Variants in LGR6 observed in about 807,000 individuals in gnomAD.
The protein encoded by LGR6 is leucine-rich repeat-containing G protein-coupled receptor 6.
A neutral mutation model predicts 69.4 loss-of-function variants in LGR6; 45 were observed. The observed-to-expected ratio is 0.65, with a 90% CI of 0.51 to 0.83. The LOEUF is 0.83. Among genes scored for constraint, LGR6 ranks in the 40% least tolerant of loss-of-function variants. The pLI, the probability that LGR6 is intolerant of heterozygous loss-of-function variation, is 0.00. For synonymous variants in LGR6, 538 were observed against 555.0 expected (o/e 0.97, Z 0.43); for missense variants, 1,108 against 1,246.7 (o/e 0.89, Z 1.68).
chr1:202,228,771 G>A (rs760551847), intron 3 of LGR6, among the ~76,000 whole-genome samples: 5 of 152,216 alleles, frequency 3.3e-5, no homozygotes, highest in Non-Finnish European at 7.3e-5. Flanking sequence ...AAGGTAGATA[G>A]GAGAGGTTCC....
At chr1:202,202,208 C>T (rs914565433) in intron 1 of LGR6, among the ~76,000 whole-genome samples, 2 of 152,184 alleles carry the variant, frequency 1.3e-5, no homozygotes, top group African/African-American at 4.8e-5. Flanking sequence ...ACTTCATCTC[C>T]ACGACCTGTT....
chr1:202,226,303 A>G (rs954060862), intron 2 of LGR6, among the ~76,000 whole-genome samples: 3 of 152,130 alleles, frequency 2.0e-5, no homozygotes, highest in African/African-American at 7.2e-5. Context: ...CACCACATAG[A>G]TCCTTGCGGC....
intron 5 of LGR6, among the ~76,000 whole-genome samples, chr1:202,278,741 G>T (rs542532383): frequency 5.3e-5 from 8 of 152,136 alleles, no homozygotes; most frequent in African/African-American, 1.4e-4. Flanking sequence ...AAAATCAAGG[G>T]TTGTACAGGG....
intron 1 of LGR6, among the ~76,000 whole-genome samples, chr1:202,210,031 T>C (rs1315546811): frequency 6.6e-6 from 1 of 152,078 alleles, no homozygotes; most frequent in Non-Finnish European, 1.5e-5. Flanking sequence ...AAGAAATGGG[T>C]TCAGACCAGA....
At chr1:202,258,139 A>G (rs370256847) in intron 4 of LGR6, among the ~76,000 whole-genome samples, 2 of 152,112 alleles carry the variant, frequency 1.3e-5, no homozygotes, top group East Asian at 3.9e-4. Flanking sequence ...CAGAAATCCA[A>G]TTGATTTATA....
chr1:202,212,868 C>G (rs943202598), intron 1 of LGR6, among the ~76,000 whole-genome samples: 47 of 152,162 alleles, frequency 3.1e-4, no homozygotes, highest in African/African-American at 1.1e-3. Flanking sequence ...CTCATTTCCC[C>G]CCTTTGCACA....
At chr1:202,207,931 C>T (rs762754659) in intron 1 of LGR6, among the ~76,000 whole-genome samples, 14 of 152,138 alleles carry the variant, frequency 9.2e-5, no homozygotes, top group Non-Finnish European at 1.0e-4. Context: ...ACTTTCACTG[C>T]AAAAAACAGA....
intron 3 of LGR6, among the ~76,000 whole-genome samples, chr1:202,233,627 T>C (rs1661280659): frequency 6.6e-6 from 1 of 152,156 alleles, no homozygotes; most frequent in African/African-American, 2.4e-5. Context: ...GGCAGCCTCT[T>C]CCTTTGAAAG....
chr1:202,308,156 G>A (rs1653411202), intron 14 of LGR6, among the ~76,000 whole-genome samples: 1 of 152,196 alleles, frequency 6.6e-6, no homozygotes, highest in Non-Finnish European at 1.5e-5. Flanking sequence ...AGGCCTCCAA[G>A]GCCCAGGAGG....
At chr1:202,219,970 C>T (rs559919140) in intron 1 of LGR6, among the ~76,000 whole-genome samples, 1 of 151,956 alleles carries the variant, frequency 6.6e-6, no homozygotes, top group Non-Finnish European at 1.5e-5. Flanking sequence ...CTTCATCCTC[C>T]CAGGTTCAAG....
chr1:202,318,177 C>CGA lies in LGR6; in HGVS notation c.1874_1875insGA (p.Phe626ThrfsTer16). On this transcript the variant is annotated frameshift_variant, in exon 18 of 18. Transcript: ENST00000367278. LOFTEE classifies it low-confidence loss of function (END_TRUNC). Reference sequence around the variant, plus strand: ...CTTCTAGCCTCAGTCGATGCCCTGACCTTTGGTCAGTTCTCTGAGTACGGA... The same window carrying CGA: ...CTTCTAGCCTCAGTCGATGCCCTGACGACTTTGGTCAGTTCTCTGAGTACGGA... The CGA allele has an allele frequency of 6.2e-7, 1 of 1,613,726 alleles. No homozygotes were observed. Among genetic ancestry groups the CGA allele is most frequent in the Non-Finnish European group, 8.5e-7 (1 of 1,180,006 alleles).
chr1:202,315,300 C>T (rs1654059898), intron 17 of LGR6, among the ~76,000 whole-genome samples: 1 of 152,186 alleles, frequency 6.6e-6, no homozygotes, highest in South Asian at 2.1e-4. Context: ...CTCCATCCCT[C>T]CCTGCTCCAT....
intron 2 of LGR6, among the ~76,000 whole-genome samples, chr1:202,226,448 T>C (rs2147956184): frequency 6.6e-6 from 1 of 152,208 alleles, no homozygotes. Flanking sequence ...CCCGAAAGCA[T>C]TCACAATTTC....
At chr1:202,287,537 A>G (rs1666478984) in intron 6 of LGR6, among the ~76,000 whole-genome samples, 1 of 152,116 alleles carries the variant, frequency 6.6e-6, no homozygotes, top group Non-Finnish European at 1.5e-5. Flanking sequence ...TAAATATTCA[A>G]AGGCCTTCTT....
At chr1:202,272,808 C>G (rs1448568970) in intron 4 of LGR6, among the ~76,000 whole-genome samples, 1 of 152,254 alleles carries the variant, frequency 6.6e-6, no homozygotes, top group African/African-American at 2.4e-5. Flanking sequence ...GCAAAGGCCA[C>G]TTCCAAGTGC....
At chr1:202,310,578 G>T (rs1040235004) in intron 16 of LGR6, among the ~76,000 whole-genome samples, 1 of 152,092 alleles carries the variant, frequency 6.6e-6, no homozygotes, top group Non-Finnish European at 1.5e-5. Context: ...AGTAATGATG[G>T]TAACAATGGC....
intron 1 of LGR6, among the ~76,000 whole-genome samples, chr1:202,210,259 C>A (rs1160221501): frequency 1.3e-5 from 2 of 152,090 alleles, no homozygotes; most frequent in Non-Finnish European, 2.9e-5. Flanking sequence ...CAGGCTGGGA[C>A]CCCCAAGAAA....
chr1:202,299,975 T>G (rs534036963), intron 7 of LGR6, among the ~76,000 whole-genome samples: 1 of 152,102 alleles, frequency 6.6e-6, no homozygotes, highest in East Asian at 1.9e-4. Flanking sequence ...TCAGTCCTCA[T>G]TTTCCCATAG....
At chr1:202,248,742 C>G (rs1342710731) in intron 4 of LGR6, among the ~76,000 whole-genome samples, 1 of 152,194 alleles carries the variant, frequency 6.6e-6, no homozygotes, top group Non-Finnish European at 1.5e-5. Context: ...AAAGCAATCT[C>G]TTCCCCAAGG....
Sources: allele counts gnomAD v4.1 joint callset (sites outside exome capture counted in the v4.1 genomes callset), GRCh38; gene constraint gnomAD v4.1.1; transcripts MANE v1.5; gene names NCBI Gene and HGNC (gene_info 2026-07-23, HGNC 2026-07-21).